Variants in DPCD observed in about 807,000 individuals in gnomAD.
DPCD encodes deleted in primary ciliary dyskinesia homolog (mouse).
DPCD carries 20 observed loss-of-function variants against 26.4 expected under a neutral mutation model. That is an observed-to-expected ratio of 0.76 (90% CI 0.53 to 1.10). DPCD has a LOEUF of 1.10. DPCD is among the 50% of genes least tolerant of loss of function. The probability of loss-of-function intolerance (pLI) is 0.00; values close to 1 mark genes in which losing one functional copy is unlikely to be tolerated. For missense variants in DPCD, 202 were observed against 253.9 expected, an observed-to-expected ratio of 0.80 and a Z score of 1.39; for synonymous variants, 97 against 94.2, an observed-to-expected ratio of 1.03 and a Z score of -0.17.
At chr10:101,589,357 A>T (rs1245568878) in intron 1 of DPCD, among the ~76,000 whole-genome samples, 1 of 152,266 alleles carries the variant, frequency 6.6e-6, no homozygotes, top group Non-Finnish European at 1.5e-5. Flanking sequence ...TAGAGGTTGT[A>T]GTCTTGTATA....
chr10:101,605,352 A>G, intron 4 of DPCD: 1 of 1,308,710 alleles, frequency 7.6e-7, no homozygotes, highest in Non-Finnish European at 1.0e-6. Flanking sequence ...GATACAGTAG[A>G]GAGTGGTGGG....
chr10:101,589,518 G>A (rs1198155564), intron 1 of DPCD, among the ~76,000 whole-genome samples: 2 of 152,170 alleles, frequency 1.3e-5, no homozygotes, highest in South Asian at 2.1e-4. Context: ...CAAAGTGGGC[G>A]GATCATTTGA....
intron 4 of DPCD, among the ~76,000 whole-genome samples, chr10:101,607,754 C>T (rs2063743129): frequency 6.6e-6 from 1 of 152,186 alleles, no homozygotes; most frequent in Admixed American, 6.5e-5. Flanking sequence ...GAGGTGTTTC[C>T]CTTCACAGCC....
intron 2 of DPCD, among the ~76,000 whole-genome samples, chr10:101,597,484 G>T (rs1340328821): frequency 6.6e-6 from 1 of 152,212 alleles, no homozygotes; most frequent in African/African-American, 2.4e-5. Flanking sequence ...TGGGGAAAGA[G>T]GCCTTTAGGA....
intron 2 of DPCD, among the ~76,000 whole-genome samples, chr10:101,595,897 G>A (rs1181355186): frequency 6.6e-6 from 1 of 151,836 alleles, no homozygotes; most frequent in African/African-American, 2.4e-5. Context: ...TGCCTAACAG[G>A]GGAGAACTTA....
At chr10:101,608,616 C>T (rs571651204) in intron 4 of DPCD, among the ~76,000 whole-genome samples, 1 of 152,304 alleles carries the variant, frequency 6.6e-6, no homozygotes, top group African/African-American at 2.4e-5. Flanking sequence ...TAACTAGGTT[C>T]TGCTCTTCTG....
Position 101,608,872 on chromosome 10 carries a change from C to A in DPCD, c.442C>A (p.His148Asn). 2 of 1,613,870 alleles carry A rather than the reference C, an allele frequency of 1.2e-6. No individual in the cohort carries two copies. The highest frequency in any genetic ancestry group is 1.7e-6 in the Non-Finnish European group (2 of 1,179,916). ...KKFSIPDLDR[H>N]QLPLDDALLS... ...GTTCTCCATTCCTGATCTAGATAGA[C>A]ACCAGCTACCTCTGGATGACGCCTT... The change falls in exon 5 of 6, where the codon CAC becomes AAC. Residue 148 changes from histidine (H) to asparagine (N), a missense_variant. Transcript: ENST00000370151.
intron 1 of DPCD, 25 bp downstream of exon 1, chr10:101,588,425 C>A (rs373063670): frequency 5.7e-6 from 9 of 1,572,750 alleles, no homozygotes; most frequent in Non-Finnish European, 6.0e-6. Context: ...CCCACGGGCT[C>A]CTTCGTTTTT....
In DPCD at chr10:101,594,650, G is replaced by A. The variant is rs370416341; in HGVS notation, c.65-8G>A. 1.1e-5 allele frequency: 18 copies of A among 1,613,960 alleles called. No homozygotes were observed. The highest frequency in any genetic ancestry group is 1.5e-5 in the Non-Finnish European group (18 of 1,179,836). ...TTTGAGGTAAGGCATTCTCTGTTTT[G>A]TGCATAGGGAGAAGGAAGGTTCACT... On this transcript the variant is annotated splice_region_variant and splice_polypyrimidine_tract_variant and intron_variant, in intron 1 of 5. Coordinates refer to ENST00000370151, the MANE Select transcript of DPCD (RefSeq NM_015448.3).
chr10:101,601,196 T>C lies in DPCD; in HGVS notation c.271-7T>C. The C allele has an allele frequency of 6.2e-7, 1 of 1,613,758 alleles. No homozygotes were observed. The highest frequency in any genetic ancestry group is 8.5e-7 in the Non-Finnish European group (1 of 1,179,944). ...AACAGTCCTCGAGTTGGATTTGCCTTCTGCAGCCTATCTTCATGCGCAAGG... is the reference window on the plus strand; with the variant it reads ...AACAGTCCTCGAGTTGGATTTGCCTCCTGCAGCCTATCTTCATGCGCAAGG... On this transcript the variant is annotated splice_region_variant and splice_polypyrimidine_tract_variant and intron_variant, in intron 3 of 5. Transcript: ENST00000370151.
At chr10:101,597,473 T>C (rs2063661974) in intron 2 of DPCD, among the ~76,000 whole-genome samples, 1 of 152,210 alleles carries the variant, frequency 6.6e-6, no homozygotes, top group African/African-American at 2.4e-5. Context: ...GTTTGGAGCT[T>C]TGGGGAAAGA....
intron 2 of DPCD, among the ~76,000 whole-genome samples, chr10:101,598,144 C>T (rs2063666973): frequency 1.3e-5 from 2 of 152,062 alleles, no homozygotes; most frequent in African/African-American, 4.8e-5. Flanking sequence ...TAAAAGTGCA[C>T]AGAAAACCCT....
At chr10:101,594,102 T>C (rs975568682) in intron 1 of DPCD, among the ~76,000 whole-genome samples, 3 of 152,290 alleles carry the variant, frequency 2.0e-5, no homozygotes, top group South Asian at 2.1e-4. Flanking sequence ...CCTGGAGATA[T>C]GCAGAAGAAG....
chr10:101,594,178 T>TAGGTTTGGTTTTAGGAAGTGGGG (rs149488075), intron 1 of DPCD, among the ~76,000 whole-genome samples: 37,588 of 151,998 alleles, frequency 0.25, 4,945 homozygotes, highest in Non-Finnish European at 0.29. Context: ...CCTGAACACA[T>TAGGTTTGGTTTTAGGAAGTGGGG]AGAGAGATAA....
chr10:101,606,819 A>G (rs1286733682), intron 4 of DPCD, among the ~76,000 whole-genome samples: 4 of 152,030 alleles, frequency 2.6e-5, no homozygotes, highest in Non-Finnish European at 5.9e-5. Context: ...TGTCTGGGGG[A>G]ATGGGTGTGA....
chr10:101,608,874 C>A lies in DPCD; in HGVS notation c.444C>A (p.His148Gln). 6.2e-7 allele frequency: 1 copy of A among 1,613,830 alleles called. No homozygotes were observed. The highest frequency in any genetic ancestry group is 8.5e-7 in the Non-Finnish European group (1 of 1,179,926). ...KKFSIPDLDR[H>Q]QLPLDDALLS... ...TCTCCATTCCTGATCTAGATAGACA[C>A]CAGCTACCTCTGGATGACGCCTTGC... Residue 148 changes from histidine (H) to glutamine (Q), a missense_variant, in exon 5 of 6, where the codon CAC becomes CAA. His to Gln is a conservative substitution (Grantham distance 24). Coordinates refer to ENST00000370151, the MANE Select transcript of DPCD (RefSeq NM_015448.3).
Position 101,597,805 on chromosome 10 carries a change from G to A in DPCD, c.146-2933G>A, listed in dbSNP as rs138976277. Among the ~76,000 whole-genome samples the A allele has an allele frequency of 2.6e-4, 40 of 152,278 alleles. No homozygotes were observed. The East Asian group carries it at 2.9e-3, about 11-fold the overall frequency. On this transcript the variant is annotated intron_variant, in intron 2 of 5. Coordinates refer to ENST00000370151, the MANE Select transcript of DPCD (RefSeq NM_015448.3). ...CGTCCTTGAGTTCAGAAACAAAGAC[G>A]GGGGCAAGAAAGACAAGACAAAGTG...
intron 2 of DPCD, among the ~76,000 whole-genome samples, chr10:101,599,121 T>C (rs760189830): frequency 3.3e-4 from 50 of 152,292 alleles, no homozygotes; most frequent in Non-Finnish European, 6.0e-4. Context: ...AAAAAAGTAA[T>C]TTCCTGCCTT....
In DPCD at chr10:101,601,293, G is replaced by C. The variant is rs764125928; in HGVS notation, c.361G>C (p.Asp121His). The C allele has an allele frequency of 1.2e-6, 2 of 1,613,730 alleles. No homozygotes were observed. Among genetic ancestry groups the C allele is most frequent in the Non-Finnish European group, 1.7e-6 (2 of 1,179,936 alleles). Residue 121 changes from aspartate (D) to histidine (H), a missense_variant, in exon 4 of 6, where the codon GAC becomes CAC. Physicochemically the swap from Asp to His is moderately conservative, Grantham distance 81. This residue lies in a region of DPCD where 118 missense variants were observed against 145.1 expected (regional missense o/e 0.81). Transcript: ENST00000370151. ...YPKDVYSVSV[D>H]QKERCIIVRT... Reference sequence around the variant, plus strand: ...TAAGGATGTCTATAGTGTCTCTGTGGACCAGAAGGAGCGCTGCATCATTGT... The same window carrying C: ...TAAGGATGTCTATAGTGTCTCTGTGCACCAGAAGGAGCGCTGCATCATTGT...
Sources: gnomAD v4.1 joint callset for allele counts (sites outside exome capture counted in the v4.1 genomes callset) on GRCh38, gnomAD v4.1.1 for gene constraint, gnomAD v4.1.1 regional missense constraint, MANE v1.5 for transcripts, NCBI Gene and HGNC (gene_info 2026-07-23, HGNC 2026-07-21) for gene names.